Variants in EMC3 observed in about 807,000 individuals in gnomAD.
EMC3 encodes 30 kDa protein.
A neutral mutation model predicts 36.6 loss-of-function variants in EMC3; 13 were observed. The ratio of observed to expected loss-of-function variants is 0.35; its 90% CI spans 0.23 to 0.56. The LOEUF (loss-of-function observed/expected upper bound fraction) is 0.56. EMC3 is among the 20% of genes least tolerant of loss of function. EMC3 has a pLI of 0.84. For missense variants in EMC3, 220 were observed against 324.5 expected (o/e 0.68, Z 2.47); for synonymous variants, 120 against 111.9 (o/e 1.07, Z -0.46).
chr3:9,977,289 G>T, intron 2 of EMC3, 100 bp downstream of exon 2: 1 of 1,144,800 alleles, frequency 8.7e-7, no homozygotes, highest in Non-Finnish European at 1.2e-6. Context: ...TTACTAAGTT[G>T]CCAACCTTTA....
At chr3:9,997,482 C>T (rs9757159) in intron 1 of EMC3, among the ~76,000 whole-genome samples, 34,219 of 152,012 alleles carry the variant, frequency 0.23, 4,490 homozygotes, top group African/African-American at 0.36. Flanking sequence ...TTTGTTGAGA[C>T]GGAGTCTCAC....
chr3:9,997,546 G>A (rs1486278207), intron 1 of EMC3, among the ~76,000 whole-genome samples: 1 of 152,140 alleles, frequency 6.6e-6, no homozygotes, highest in Admixed American at 6.5e-5. Context: ...CGCAACCTCT[G>A]CCTCCTGGGT....
intron 1 of EMC3, among the ~76,000 whole-genome samples, chr3:9,985,962 C>A (rs1004781022): frequency 6.6e-6 from 1 of 152,114 alleles, no homozygotes; most frequent in African/African-American, 2.4e-5. Flanking sequence ...GTTGCCTCCA[C>A]TCTAGTGGGG....
At chr3:9,989,244 C>A (rs184726834), upstream of EMC3, among the ~76,000 whole-genome samples, 1,944 of 152,302 alleles carry the variant, frequency 0.013, 26 homozygotes, top group Non-Finnish European at 0.016. Context: ...TCTAGAAATA[C>A]CTTCCATCAA....
intron 1 of EMC3, chr3:10,000,882 CT>C: frequency 8.4e-6 from 4 of 475,034 alleles, no homozygotes; most frequent in African/African-American, 2.0e-5. Flanking sequence ...GCTTGCCTCC[CT>C]TTTCCACGGT....
At chr3:9,982,840 T>C (rs1167894742) in intron 1 of EMC3, among the ~76,000 whole-genome samples, 1 of 151,468 alleles carries the variant, frequency 6.6e-6, no homozygotes, top group African/African-American at 2.4e-5. Context: ...AAGCCTTGAC[T>C]GTGCCAGTGC....
At chr3:9,971,313 A>G (rs778346603) in intron 5 of EMC3, among the ~76,000 whole-genome samples, 13 of 152,332 alleles carry the variant, frequency 8.5e-5, no homozygotes, top group Non-Finnish European at 1.2e-4. Flanking sequence ...GTTTTGAACT[A>G]TATCACTGAG....
upstream of EMC3, chr3:9,988,368 G>A: frequency 8.6e-7 from 1 of 1,159,558 alleles, no homozygotes; most frequent in Admixed American, 1.7e-5. Flanking sequence ...TCTGCTACTT[G>A]TAATTCCTCA....
intron 1 of EMC3, chr3:10,006,762 C>CA: frequency 2.9e-6 from 1 of 343,164 alleles, no homozygotes; most frequent in East Asian, 9.4e-5. Flanking sequence ...TTGCATTTTG[C>CA]AAAACACCTG....
chr3:9,988,284 G>C (rs1575688786), upstream of EMC3: 1 of 681,846 alleles, frequency 1.5e-6, no homozygotes. Context: ...TTACTCCAGG[G>C]TACATGGCTA....
rs201052393 is a variant in EMC3 at position 9,983,671 on chromosome 3, C to CAA, written c.155+2834_155+2835dup. Among the ~76,000 whole-genome samples the CAA allele has an allele frequency of 7.8e-5, 11 of 140,288 alleles. 1 individual carries two copies. The East Asian group carries it at 1.0e-3, about 13-fold the overall frequency. 92.0% of individuals were successfully genotyped at this position (140,288 alleles called of 152,430 possible). On this transcript the variant is annotated intron_variant, in intron 1 of 7. Coordinates refer to ENST00000245046, the MANE Select transcript of EMC3 (RefSeq NM_001394674.1). ...TGGGCAAGAGTGAGACTCTGGTCTC[C>CAA]AAAAAAAAAAAGGTTCTTGTAAACA...
At chr3:9,986,884 C>T, upstream of EMC3, 6 of 1,341,726 alleles carry the variant, frequency 4.5e-6, no homozygotes, top group Non-Finnish European at 5.8e-6. Flanking sequence ...ACCTCAGTGG[C>T]GTCAGAGCGG....
chr3:9,999,748 T>C (rs1348209331), intron 1 of EMC3, among the ~76,000 whole-genome samples: 1 of 152,228 alleles, frequency 6.6e-6, no homozygotes, highest in Non-Finnish European at 1.5e-5. Flanking sequence ...AGTTAGAGTG[T>C]AAAGAATTCA....
intron 1 of EMC3, among the ~76,000 whole-genome samples, chr3:9,983,393 C>A (rs1575684454): frequency 6.6e-6 from 1 of 152,216 alleles, no homozygotes; most frequent in South Asian, 2.1e-4. Flanking sequence ...AGAGATCTGC[C>A]CACCTCAGCC....
intron 5 of EMC3, 115 bp from the exon 6 acceptor site, chr3:9,970,776 G>T: frequency 1.1e-6 from 1 of 909,648 alleles, no homozygotes; most frequent in Non-Finnish European, 1.8e-6. Context: ...ACCTTGGATG[G>T]GCTATATTCA....
At chr3:9,986,955 C>T, upstream of EMC3, 8 of 1,169,502 alleles carry the variant, frequency 6.8e-6, no homozygotes, top group Non-Finnish European at 8.5e-6. Flanking sequence ...GTGGCTCACT[C>T]CTGGAATCCC....
intron 7 of EMC3, chr3:9,969,421 G>C: frequency 4.7e-6 from 6 of 1,277,032 alleles, no homozygotes; most frequent in Non-Finnish European, 6.0e-6. Context: ...GTTCAAAAAG[G>C]TTCAAATTAT....
At chr3:9,996,264 T>G (rs1408394191) in intron 1 of EMC3, among the ~76,000 whole-genome samples, 1 of 152,092 alleles carries the variant, frequency 6.6e-6, no homozygotes, top group African/African-American at 2.4e-5. Flanking sequence ...GGCACCATGG[T>G]GAAACCCCAT....
At chr3:9,974,278 G>A in intron 4 of EMC3, 106 bp downstream of exon 4, 1 of 756,324 alleles carries the variant, frequency 1.3e-6, no homozygotes, top group Non-Finnish European at 2.2e-6. Context: ...TTTGTTCAAG[G>A]ACTATTATCA....
Sources: allele counts gnomAD v4.1 joint callset (sites outside exome capture counted in the v4.1 genomes callset), GRCh38; gene constraint gnomAD v4.1.1; transcripts MANE v1.5; gene names NCBI Gene and HGNC (gene_info 2026-07-23, HGNC 2026-07-21).